GTF2E2: variants seen among roughly 807,000 people sequenced by gnomAD.
The protein encoded by GTF2E2 is general transcription factor IIE subunit 2.
Under a neutral mutation model 40.5 loss-of-function variants are expected in GTF2E2, and 21 were observed. The ratio of observed to expected loss-of-function variants is 0.52; its 90% CI spans 0.37 to 0.75. The LOEUF (loss-of-function observed/expected upper bound fraction) is 0.75, where lower values mean the gene tolerates loss of function less well. Among genes scored for constraint, GTF2E2 ranks in the 30% least tolerant of loss-of-function variants. The pLI is 0.00. For missense variants in GTF2E2, 298 were observed against 338.4 expected (o/e 0.88, Z 0.94); for synonymous variants, 117 against 121.6 (o/e 0.96, Z 0.25).
chr8:30,589,789 C>T (rs1828789221), intron 6 of GTF2E2, among the ~76,000 whole-genome samples: 2 of 152,052 alleles, frequency 1.3e-5, no homozygotes, highest in Admixed American at 1.3e-4. Context: ...CTTGGTGATC[C>T]TGCTGAAATC....
intron 5 of GTF2E2, among the ~76,000 whole-genome samples, chr8:30,610,782 A>C (rs1207854953): frequency 6.6e-6 from 1 of 152,212 alleles, no homozygotes; most frequent in Non-Finnish European, 1.5e-5. Context: ...AGTGATTTAA[A>C]CATGATACTA....
At chr8:30,624,702 T>C (rs1255255811) in intron 3 of GTF2E2, among the ~76,000 whole-genome samples, 1 of 152,052 alleles carries the variant, frequency 6.6e-6, no homozygotes, top group Non-Finnish European at 1.5e-5. Context: ...CAGTGGTTTG[T>C]AGTTCTCCTT....
intron 6 of GTF2E2, among the ~76,000 whole-genome samples, chr8:30,585,865 G>T (rs910436377): frequency 6.6e-6 from 1 of 150,638 alleles, no homozygotes; most frequent in African/African-American, 2.4e-5. Flanking sequence ...TGGGAGGACT[G>T]CTTGAACCCA....
At chr8:30,643,987 C>A (rs1801961443) in intron 2 of GTF2E2, among the ~76,000 whole-genome samples, 1 of 152,146 alleles carries the variant, frequency 6.6e-6, no homozygotes, top group Non-Finnish European at 1.5e-5. Flanking sequence ...AAAGGAAAAG[C>A]ATACAGAATG....
At chr8:30,625,214 A>T (rs75772173) in intron 3 of GTF2E2, among the ~76,000 whole-genome samples, 3 of 151,720 alleles carry the variant, frequency 2.0e-5, no homozygotes, top group Non-Finnish European at 4.4e-5. Context: ...GTTTTTTTTT[A>T]GTATGAAGCG....
At position 30,635,239 on chromosome 8, in the gene GTF2E2, T is replaced by C. The variant is rs991368222; in HGVS notation, c.167-116A>G. 3.4e-5 allele frequency: 20 copies of C among 587,002 alleles called. No homozygotes were observed. In the Admixed American group the frequency reaches 4.8e-4, roughly 14 times the overall value. The allele number at this position is 587,002 out of a possible 1,614,324, so 36.4% of individuals were successfully genotyped here. Reference sequence around the variant, plus strand: ...CTTGAGTTTTTCATCTAGTATATTCTACCCTGTAATATTCTGGTGAAAAAT... The same window carrying C: ...CTTGAGTTTTTCATCTAGTATATTCCACCCTGTAATATTCTGGTGAAAAAT... On this transcript the variant is annotated intron_variant, in intron 2 of 7. Transcript: ENST00000355904.
At chr8:30,582,416 C>T (rs1828540760) in intron 6 of GTF2E2, among the ~76,000 whole-genome samples, 1 of 152,184 alleles carries the variant, frequency 6.6e-6, no homozygotes, top group African/African-American at 2.4e-5. Flanking sequence ...TTCCTATATG[C>T]CCTTTATCCA....
At position 30,585,203 on chromosome 8, in the gene GTF2E2, ATAATAG is replaced by A. The variant is rs1828640559; in HGVS notation, c.644-4813_644-4808del. 3 of 152,182 alleles carry A rather than the reference ATAATAG, an allele frequency of 2.0e-5. No homozygotes were observed. In the South Asian group the frequency reaches 6.2e-4, roughly 32 times the overall value. 9.4% of individuals were successfully genotyped at this position (152,182 alleles called of 1,614,324 possible). Reference sequence around the variant, plus strand: ...CTCCGTCTCAATAATAATAATAACGATAATAGTAATAATAATACCTGCCTCATAGAA... The same window carrying A: ...CTCCGTCTCAATAATAATAATAACGATAATAATAATACCTGCCTCATAGAA... On this transcript the variant is annotated intron_variant, in intron 6 of 7. Coordinates refer to ENST00000355904, the MANE Select transcript of GTF2E2 (RefSeq NM_002095.6).
At chr8:30,644,893 G>A (rs553867362) in intron 2 of GTF2E2, among the ~76,000 whole-genome samples, 7 of 152,120 alleles carry the variant, frequency 4.6e-5, no homozygotes, top group African/African-American at 1.4e-4. Context: ...TGGGACTATA[G>A]GCACACACCA....
intron 3 of GTF2E2, among the ~76,000 whole-genome samples, chr8:30,630,498 C>T (rs1801408530): frequency 6.6e-6 from 1 of 152,150 alleles, no homozygotes; most frequent in South Asian, 2.1e-4. Flanking sequence ...CTTTCTTTTG[C>T]TTTCTTTCTA....
intron 6 of GTF2E2, among the ~76,000 whole-genome samples, chr8:30,592,023 T>C (rs1424893692): frequency 1.3e-5 from 2 of 152,194 alleles, no homozygotes; most frequent in Non-Finnish European, 2.9e-5. Flanking sequence ...CACTTTCATT[T>C]AATGCAACAA....
At chr8:30,651,710 C>CT (rs1384064470) in intron 2 of GTF2E2, among the ~76,000 whole-genome samples, 2 of 152,158 alleles carry the variant, frequency 1.3e-5, no homozygotes, top group African/African-American at 4.8e-5. Flanking sequence ...TCCCAGCAGG[C>CT]TTTTTTGCAA....
rs28612235 is a variant in GTF2E2, at chr8:30,597,037, C to T, written c.643+10020G>A. ...CGCCTTACACCGATCTCCAGTGTCA[C>T]CTGTCAGTCCACAGCTGTTAGCCTC... On this transcript the variant is annotated intron_variant, in intron 6 of 7. Transcript: ENST00000355904. 8.3e-3 allele frequency: 1,259 copies of T among 152,438 alleles called. 19 individuals are homozygous for T. The highest frequency in any genetic ancestry group is 0.029 in the African/African-American group (1,214 of 41,552). 9.4% of individuals were successfully genotyped at this position (152,438 alleles called of 1,614,324 possible).
Position 30,622,773 on chromosome 8 carries a change from G to A in GTF2E2, c.259-8058C>T, listed in dbSNP as rs367998352. ...TCCTTGCTGAGAAAAAGAATTCAGC[G>A]ATATTTCTCCCATTTGCTTTTGAAA... On this transcript the variant is annotated intron_variant, in intron 3 of 7. Transcript: ENST00000355904. Among the ~76,000 whole-genome samples, 19 of 152,068 alleles carry A rather than the reference G, an allele frequency of 1.2e-4. No individual in the cohort carries two copies. The East Asian group carries it at 1.7e-3, about 14-fold the overall frequency.
At chr8:30,585,938 C>T (rs566603733) in intron 6 of GTF2E2, among the ~76,000 whole-genome samples, 8 of 151,942 alleles carry the variant, frequency 5.3e-5, no homozygotes, top group Admixed American at 3.9e-4. Flanking sequence ...AAAAACAAGC[C>T]GGGCATGGTG....
At chr8:30,595,845 A>C (rs1451939566) in intron 6 of GTF2E2, among the ~76,000 whole-genome samples, 1 of 152,126 alleles carries the variant, frequency 6.6e-6, no homozygotes, top group Non-Finnish European at 1.5e-5. Flanking sequence ...AAAGAAAGGA[A>C]AGGAAAAGGG....
chr8:30,649,737 C>G (rs1250379254), intron 2 of GTF2E2, among the ~76,000 whole-genome samples: 1 of 152,082 alleles, frequency 6.6e-6, no homozygotes, highest in Non-Finnish European at 1.5e-5. Flanking sequence ...CCCGGCTACT[C>G]TGGGGGGCCT....
At position 30,614,635 on chromosome 8, in the gene GTF2E2, G is replaced by A. The variant is rs1479871948; in HGVS notation, c.339C>T (p.Leu113=). Residue 113 remains leucine (L), a synonymous_variant, in exon 4 of 8, where the codon CTC becomes CTT. Coordinates refer to ENST00000355904, the MANE Select transcript of GTF2E2 (RefSeq NM_002095.6). ...CAGTCATTAGCCATTGTTTCTGCTT[G>A]AGTCCAATATCTAAATGTTGTGTTT... ...LDETQHLDIG[L]KQKQWLMTEA... 6.3e-7 allele frequency: 1 copy of A among 1,594,374 alleles called. No individual in the cohort carries two copies. The highest frequency in any genetic ancestry group is 2.2e-5 in the East Asian group (1 of 44,744).
chr8:30,650,928 A>C (rs6468445), intron 2 of GTF2E2, among the ~76,000 whole-genome samples: 1 of 151,436 alleles, frequency 6.6e-6, no homozygotes, highest in Non-Finnish European at 1.5e-5. Flanking sequence ...GCAGGAGAAC[A>C]GCATGAACCC....
Sources: gnomAD v4.1 joint callset for allele counts (sites outside exome capture counted in the v4.1 genomes callset) on GRCh38, gnomAD v4.1.1 for gene constraint, MANE v1.5 for transcripts, NCBI Gene and HGNC (gene_info 2026-07-23, HGNC 2026-07-21) for gene names.